The following PLEKHA3 variants were observed in gnomAD, a reference collection of about 807,000 sequenced individuals.
PLEKHA3 encodes pleckstrin homology domain containing A3, also known as pleckstrin homology domain-containing family A member 3.
Under a neutral mutation model 39.2 loss-of-function variants are expected in PLEKHA3, and 19 were observed. The ratio of observed to expected loss-of-function variants is 0.48; its 90% confidence interval spans 0.34 to 0.71. PLEKHA3 has a LOEUF of 0.71. Among genes scored for constraint, PLEKHA3 ranks in the 30% least tolerant of loss-of-function variants. The pLI, the probability that PLEKHA3 is intolerant of heterozygous loss-of-function variation, is 0.01. For synonymous variants in PLEKHA3, 97 were observed against 118.6 expected (o/e 0.82, Z 1.18); for missense variants, 253 against 359.5 (o/e 0.70, Z 2.40).
chr2:178,496,676 T>TTGGGTTTGA (rs1300324754), intron 5 of PLEKHA3, among the ~76,000 whole-genome samples: 1 of 152,098 alleles, frequency 6.6e-6, no homozygotes. Flanking sequence ...ATGATATGAA[T>TTGGGTTTGA]TGGGTTTGAT....
chr2:178,500,922 G>A (rs1685520538), intron 6 of PLEKHA3, 139 bp from the exon 7 acceptor site: 1 of 635,280 alleles, frequency 1.6e-6, no homozygotes, highest in African/African-American at 1.8e-5. Flanking sequence ...TGACTTCTGA[G>A]TAGAATGTTG....
intron 5 of PLEKHA3, among the ~76,000 whole-genome samples, chr2:178,497,433 T>C (rs1239704547): frequency 2.0e-5 from 3 of 152,100 alleles, no homozygotes; most frequent in Non-Finnish European, 2.9e-5. Flanking sequence ...GGTTTCACCA[T>C]GTTAGCCAGG....
chr2:178,490,556 T>C (rs1411268669), intron 2 of PLEKHA3, 103 bp from the exon 3 acceptor site: 2 of 1,183,756 alleles, frequency 1.7e-6, no homozygotes, highest in Non-Finnish European at 2.4e-6. Flanking sequence ...GTTCAATGTT[T>C]TTGGTATATG....
intron 5 of PLEKHA3, among the ~76,000 whole-genome samples, chr2:178,497,893 A>G (rs1314216671): frequency 2.0e-5 from 3 of 152,162 alleles, no homozygotes; most frequent in African/African-American, 7.2e-5. Context: ...AATAATTATT[A>G]GTTCTAGAGA....
intron 7 of PLEKHA3, 89 bp from the exon 8 acceptor site, chr2:178,503,671 C>A (rs1685564756): frequency 7.3e-7 from 1 of 1,367,072 alleles, no homozygotes; most frequent in Non-Finnish European, 1.0e-6. Flanking sequence ...AATTTCATGT[C>A]CCTGAACAGG....
Position 178,514,081 on chromosome 2 carries a change from C to G in PLEKHA3, c.*10194C>G, listed in dbSNP as rs536108503. 5.3e-4 allele frequency: 79 copies of G among 149,332 alleles called. No homozygotes were observed. The highest frequency in any genetic ancestry group is 1.7e-3 in the Admixed American group (25 of 15,122). 9.3% of individuals were successfully genotyped at this position (149,332 alleles called of 1,614,324 possible). A position where few individuals can be genotyped will look rare whatever the true frequency, so the allele number is the denominator to read the frequency against. On this transcript the variant is annotated 3_prime_UTR_variant, in exon 8 of 8. Transcript: ENST00000234453. ...GCTTTAGAACACAGCTCTCATTTAG[C>G]TTATTATTGATTTTTTTTTCTTGTT...
chr2:178,492,500 A>T (rs553646920), intron 3 of PLEKHA3, among the ~76,000 whole-genome samples: 1 of 150,024 alleles, frequency 6.7e-6, no homozygotes, highest in African/African-American at 2.4e-5. Flanking sequence ...GAGGGATAGC[A>T]TTGGTAGATA....
intron 2 of PLEKHA3, 83 bp from the exon 3 acceptor site, chr2:178,490,576 A>G (rs1685328449): frequency 7.2e-7 from 1 of 1,391,982 alleles, no homozygotes; most frequent in African/African-American, 1.4e-5. Flanking sequence ...GAAGCATCTG[A>G]TACTGTGTGA....
chr2:178,515,874 C>G lies in PLEKHA3; in HGVS notation c.*11987C>G, dbSNP rs1685755826. ...TTTATCATTCACATTTGCACCCTAA[C>G]TATTGTTTTAACCTAAACATAAATA... On this transcript the variant is annotated 3_prime_UTR_variant, in exon 8 of 8. Coordinates refer to ENST00000234453, the MANE Select transcript of PLEKHA3 (RefSeq NM_019091.4). 2 of 152,038 alleles carry G rather than the reference C, an allele frequency of 1.3e-5. No homozygotes were observed. Among genetic ancestry groups the G allele is most frequent in the South Asian group, 4.2e-4 (2 of 4,814 alleles). The allele number at this position is 152,038 out of a possible 1,614,324, so 9.4% of individuals were successfully genotyped here. A position where few individuals can be genotyped will look rare whatever the true frequency, so the allele number is the denominator to read the frequency against.
rs35052196 is a variant in PLEKHA3 at position 178,507,658 on chromosome 2, GTTT to G, written c.*3805_*3807del. 1.0e-4 allele frequency: 3 copies of G among 28,816 alleles called. No individual in the cohort carries two copies. The highest frequency in any genetic ancestry group is 2.9e-4 in the African/African-American group (3 of 10,516). The allele number at this position is 28,816 out of a possible 1,614,324, so 1.8% of individuals were successfully genotyped here. A position where few individuals can be genotyped will look rare whatever the true frequency, so the allele number is the denominator to read the frequency against. On this transcript the variant is annotated 3_prime_UTR_variant, in exon 8 of 8. Transcript: ENST00000234453. Reference sequence around the variant, plus strand: ...CCTTTAGTTTTTAGTCTCACATTAGGTTTTTTTTTTTTTTTTTTTTTTTTTTTT... The same window carrying G: ...CCTTTAGTTTTTAGTCTCACATTAGGTTTTTTTTTTTTTTTTTTTTTTTTT...
At chr2:178,493,814 A>G in intron 3 of PLEKHA3, 39 bp from the exon 4 acceptor site, 1 of 1,549,632 alleles carries the variant, frequency 6.5e-7, no homozygotes, top group Non-Finnish European at 8.8e-7. Flanking sequence ...AAAGAATATG[A>G]AAATGATCTA....
At chr2:178,487,332 A>T (rs889425399) in intron 2 of PLEKHA3, among the ~76,000 whole-genome samples, 2 of 152,270 alleles carry the variant, frequency 1.3e-5, no homozygotes, top group Admixed American at 6.5e-5. Flanking sequence ...ACTGGATTCT[A>T]CAAGGATGGA....
In PLEKHA3 at chr2:178,514,961, C is replaced by T. The variant is rs986030251; in HGVS notation, c.*11074C>T. 5 of 151,788 alleles carry T rather than the reference C, an allele frequency of 3.3e-5. No homozygotes were observed. Among genetic ancestry groups the T allele is most frequent in the African/African-American group, 1.2e-4 (5 of 41,324 alleles). The allele number at this position is 151,788 out of a possible 1,614,324, so 9.4% of individuals were successfully genotyped here. The stretch of plus-strand genomic sequence containing the variant: ...GCTTTTGTGAATCAGGCCATGTTCA[C>T]GCAGGGTCCTTGAAGGTGACTTGAG... On this transcript the variant is annotated 3_prime_UTR_variant, in exon 8 of 8. Transcript: ENST00000234453.
intron 3 of PLEKHA3, among the ~76,000 whole-genome samples, chr2:178,491,923 C>G (rs1014260308): frequency 1.3e-5 from 2 of 152,060 alleles, no homozygotes; most frequent in African/African-American, 4.8e-5. Context: ...TTATAACAAC[C>G]CGCTCTCATA....
Position 178,511,408 on chromosome 2 carries a change from C to T in PLEKHA3, c.*7521C>T, listed in dbSNP as rs1355128559. 2 of 146,628 alleles carry T rather than the reference C, an allele frequency of 1.4e-5. No individual in the cohort carries two copies. Among genetic ancestry groups the T allele is most frequent in the African/African-American group, 5.0e-5 (2 of 39,624 alleles). 9.1% of individuals were successfully genotyped at this position (146,628 alleles called of 1,614,324 possible). On this transcript the variant is annotated 3_prime_UTR_variant, in exon 8 of 8. Coordinates refer to ENST00000234453, the MANE Select transcript of PLEKHA3 (RefSeq NM_019091.4). ...TTTTTTTTTGAGACAGAGTCTCACTCTGTAGCCCAAGTTAGAGTGCAGTGA... is the reference window on the plus strand; with the variant it reads ...TTTTTTTTTGAGACAGAGTCTCACTTTGTAGCCCAAGTTAGAGTGCAGTGA...
intron 4 of PLEKHA3, among the ~76,000 whole-genome samples, chr2:178,494,552 T>C (rs1685408619): frequency 6.6e-6 from 1 of 152,118 alleles, no homozygotes; most frequent in African/African-American, 2.4e-5. Context: ...TTGGTAGAAG[T>C]GGGGCAAGAA....
chr2:178,483,462 G>A (rs540044862), intron 1 of PLEKHA3, among the ~76,000 whole-genome samples: 1 of 152,256 alleles, frequency 6.6e-6, no homozygotes, highest in South Asian at 2.1e-4. Flanking sequence ...TTCAAAAAGT[G>A]TGTAGAGATA....
rs1291338077 is a variant in PLEKHA3 at position 178,485,622 on chromosome 2, T to G, written c.41-19T>G. On this transcript the variant is annotated intron_variant, in intron 1 of 7. Coordinates refer to ENST00000234453, the MANE Select transcript of PLEKHA3 (RefSeq NM_019091.4). ...TAATGTGTTTCCAATTGACCTTTTG[T>G]TATTTATGGTCTTTTTAGGCTGGCA... 1 of 1,509,098 alleles carries G rather than the reference T, an allele frequency of 6.6e-7. No homozygotes were observed. The highest frequency in any genetic ancestry group is 9.2e-7 in the Non-Finnish European group (1 of 1,087,530). 93.5% of individuals were successfully genotyped at this position (1,509,098 alleles called of 1,614,324 possible).
intron 1 of PLEKHA3, 120 bp downstream of exon 1, chr2:178,481,029 C>CG: frequency 1.1e-6 from 1 of 924,902 alleles, no homozygotes. Context: ...TCGCTCTACT[C>CG]GATTCCAGGG....
Sources: allele counts gnomAD v4.1 joint callset (sites outside exome capture counted in the v4.1 genomes callset), GRCh38; gene constraint gnomAD v4.1.1; transcripts MANE v1.5; gene names NCBI Gene and HGNC (gene_info 2026-07-23, HGNC 2026-07-21).